The following AGAP1 variants were observed in gnomAD, a reference collection of about 807,000 sequenced individuals.
The protein encoded by AGAP1 is arf-GAP with GTPase, ANK repeat and PH domain-containing protein 1.
Under a neutral mutation model 105.3 loss-of-function variants are expected in AGAP1, and 29 were observed. That is an observed-to-expected ratio of 0.28 (90% CI 0.21 to 0.38). AGAP1 has a LOEUF of 0.38. Among genes scored for constraint, AGAP1 ranks in the 10% least tolerant of loss-of-function variants. The pLI is 1.00. For synonymous variants in AGAP1, 509 were observed against 485.9 expected (o/e 1.05, Z -0.63); for missense variants, 998 against 1,165.1 (o/e 0.86, Z 2.09).
chr2:235,855,436 C>T lies in AGAP1; in HGVS notation c.1051-27909C>T, dbSNP rs2048647877. ...AATTGCTAAAGTTTCTTTAGATGTC[C>T]TTATTCATTCAGTTACAGATTTATC... On this transcript the variant is annotated intron_variant, in intron 9 of 17. Coordinates refer to ENST00000304032, the MANE Select transcript of AGAP1 (RefSeq NM_001037131.3). This position sits in a 1 kb window ranked among gnomAD's most constrained non-coding sequence, Gnocchi z 5.0. 6.6e-6 allele frequency among the ~76,000 whole-genome samples: 1 copy of T among 152,176 alleles called. No individual in the cohort carries two copies. Among genetic ancestry groups the T allele is most frequent in the African/African-American group, 2.4e-5 (1 of 41,438 alleles).
rs555160787 is a variant in AGAP1, at chr2:235,516,361, A to T, written c.163+21512A>T. Reference sequence around the variant, plus strand: ...CAGGAGCATTATTATTATTTTTTTTAAATCTCTTGTGGCACTTTTCTACTT... The same window carrying T: ...CAGGAGCATTATTATTATTTTTTTTTAATCTCTTGTGGCACTTTTCTACTT... On this transcript the variant is annotated intron_variant, in intron 1 of 17. Coordinates refer to ENST00000304032, the MANE Select transcript of AGAP1 (RefSeq NM_001037131.3). Among the ~76,000 whole-genome samples, 12 of 152,136 alleles carry T rather than the reference A, an allele frequency of 7.9e-5. No homozygotes were observed. In the Middle Eastern group the frequency reaches 0.01, roughly 129 times the overall value.
rs577838895 is a variant in AGAP1, at chr2:236,114,462, C to T, written c.2115-5730C>T. Among the ~76,000 whole-genome samples, 204 of 152,336 alleles carry T rather than the reference C, an allele frequency of 1.3e-3. No individual in the cohort carries two copies. Among genetic ancestry groups the T allele is most frequent in the Non-Finnish European group, 2.2e-3 (152 of 68,024 alleles). ...ATGCTATCCAGAGTATGTGTCAGCTCAGGCTGCCAAAATAAAGTATTACAC... is the reference window on the plus strand; with the variant it reads ...ATGCTATCCAGAGTATGTGTCAGCTTAGGCTGCCAAAATAAAGTATTACAC... On this transcript the variant is annotated intron_variant, in intron 16 of 17. Transcript: ENST00000304032. The surrounding 1 kb of genome is among the most constrained non-coding windows in gnomAD (Gnocchi z 5.0).
chr2:235,890,335 A>G (rs2050478149), intron 10 of AGAP1, among the ~76,000 whole-genome samples: 1 of 152,008 alleles, frequency 6.6e-6, no homozygotes, highest in East Asian at 1.9e-4. Context: ...TTGTTTTAGT[A>G]GAGATGGGAT....
rs35595393 is a variant in AGAP1, at chr2:236,012,764, A to AATT, written c.1646-23772_1646-23770dup. Reference sequence around the variant, plus strand: ...CTAGTTTAGAGGTTGTTTCTTACTAAATTATTATTATTATTATTATTATTA... The same window carrying AATT: ...CTAGTTTAGAGGTTGTTTCTTACTAAATTATTATTATTATTATTATTATTATTA... On this transcript the variant is annotated intron_variant, in intron 13 of 17. Transcript: ENST00000304032. This position sits in a 1 kb window ranked among gnomAD's most constrained non-coding sequence, Gnocchi z 4.9. 0.57 allele frequency among the ~76,000 whole-genome samples: 85,051 copies of AATT among 148,608 alleles called. 24,759 individuals are homozygous for AATT. The highest frequency in any genetic ancestry group is 0.73 in the South Asian group (3,385 of 4,640).
At chr2:235,772,032 G>A (rs1164779124) in intron 6 of AGAP1, among the ~76,000 whole-genome samples, 3 of 117,404 alleles carry the variant, frequency 2.6e-5, no homozygotes, top group Non-Finnish European at 4.9e-5. Flanking sequence ...GTCTCACTCT[G>A]TTGCCCAGGC....
rs1345157162 is a variant in AGAP1 at position 235,976,021 on chromosome 2, A to T, written c.1645+7398A>T. On this transcript the variant is annotated intron_variant, in intron 13 of 17. Coordinates refer to ENST00000304032, the MANE Select transcript of AGAP1 (RefSeq NM_001037131.3). The surrounding 1 kb of genome is among the most constrained non-coding windows in gnomAD (Gnocchi z 4.5). ...AAGAATGAGAACATCTTCCTGGGAGATACACTGGAAATGCAGTAGCGAATG... is the reference window on the plus strand; with the variant it reads ...AAGAATGAGAACATCTTCCTGGGAGTTACACTGGAAATGCAGTAGCGAATG... 1.3e-5 allele frequency among the ~76,000 whole-genome samples: 2 copies of T among 152,160 alleles called. No homozygotes were observed. The highest frequency in any genetic ancestry group is 1.5e-5 in the Non-Finnish European group (1 of 68,048).
At chr2:235,783,762 C>T (rs543335118) in intron 6 of AGAP1, among the ~76,000 whole-genome samples, 1 of 152,116 alleles carries the variant, frequency 6.6e-6, no homozygotes, top group African/African-American at 2.4e-5. Flanking sequence ...AGAGGAACTC[C>T]TCAGGGGGAT....
chr2:235,885,740 A>G (rs1026876122), intron 10 of AGAP1, among the ~76,000 whole-genome samples: 2 of 152,226 alleles, frequency 1.3e-5, no homozygotes, highest in African/African-American at 4.8e-5. Context: ...TATACCTTTC[A>G]GAACCACGCA....
At chr2:235,495,067 G>A (rs1176800036) in intron 1 of AGAP1, among the ~76,000 whole-genome samples, 14 of 152,172 alleles carry the variant, frequency 9.2e-5, no homozygotes, top group Non-Finnish European at 2.1e-4. Context: ...GATCGTCAGC[G>A]TTAATTTGAT....
intron 6 of AGAP1, among the ~76,000 whole-genome samples, chr2:235,757,603 A>G (rs1483818109): frequency 2.6e-5 from 4 of 152,190 alleles, no homozygotes; most frequent in Non-Finnish European, 4.4e-5. Flanking sequence ...TATAGAAGCC[A>G]TTCCATTTGT....
chr2:236,048,522 C>T (rs2057793270), intron 15 of AGAP1, among the ~76,000 whole-genome samples: 1 of 152,242 alleles, frequency 6.6e-6, no homozygotes, highest in East Asian at 1.9e-4. Context: ...TATTTCTTCA[C>T]TGTAGTGTAC....
chr2:236,003,786 CTTTTTTTTT>C lies in AGAP1; in HGVS notation c.1646-32771_1646-32763del, dbSNP rs915738257. On this transcript the variant is annotated intron_variant, in intron 13 of 17. Coordinates refer to ENST00000304032, the MANE Select transcript of AGAP1 (RefSeq NM_001037131.3). The surrounding 1 kb of genome is among the most constrained non-coding windows in gnomAD (Gnocchi z 4.2). ...TGGAGGGGTCACTGCTGTCCTACCACTTTTTTTTTTTTCTGGAAGTTTGCATGTCCTACA... is the reference window on the plus strand; with the variant it reads ...TGGAGGGGTCACTGCTGTCCTACCACTTTCTGGAAGTTTGCATGTCCTACA... Among the ~76,000 whole-genome samples, 4 of 146,932 alleles carry C rather than the reference CTTTTTTTTT, an allele frequency of 2.7e-5. No homozygotes were observed. The highest frequency in any genetic ancestry group is 9.9e-5 in the African/African-American group (4 of 40,372).
chr2:235,852,143 T>A (rs1037734890), intron 9 of AGAP1, among the ~76,000 whole-genome samples: 3 of 152,200 alleles, frequency 2.0e-5, no homozygotes, highest in African/African-American at 7.2e-5. Flanking sequence ...AATATATGCC[T>A]GAGTGCTCAT....
chr2:235,996,078 C>T (rs1265678729), intron 13 of AGAP1, among the ~76,000 whole-genome samples: 3 of 152,196 alleles, frequency 2.0e-5, no homozygotes, highest in African/African-American at 4.8e-5. Context: ...GCTTGCCAAC[C>T]GTTTGTCACA....
chr2:235,994,187 C>G lies in AGAP1; in HGVS notation c.1645+25564C>G, dbSNP rs2055690696. 6.6e-6 allele frequency among the ~76,000 whole-genome samples: 1 copy of G among 152,098 alleles called. No homozygotes were observed. Among genetic ancestry groups the G allele is most frequent in the Non-Finnish European group, 1.5e-5 (1 of 68,010 alleles). ...TTCCATATGTGTCCTTTTTAAGAGTCTTGTCGTTTCATACTCTCATTTTGG... is the reference window on the plus strand; with the variant it reads ...TTCCATATGTGTCCTTTTTAAGAGTGTTGTCGTTTCATACTCTCATTTTGG... On this transcript the variant is annotated intron_variant, in intron 13 of 17. Coordinates refer to ENST00000304032, the MANE Select transcript of AGAP1 (RefSeq NM_001037131.3). This position sits in a 1 kb window ranked among gnomAD's most constrained non-coding sequence, Gnocchi z 4.4.
intron 1 of AGAP1, among the ~76,000 whole-genome samples, chr2:235,708,348 G>C (rs1452827735): frequency 1.3e-5 from 2 of 152,154 alleles, no homozygotes; most frequent in Non-Finnish European, 1.5e-5. Flanking sequence ...ACTATCATGG[G>C]GTCTCATTTA....
At chr2:235,641,881 T>C (rs1369896433) in intron 1 of AGAP1, among the ~76,000 whole-genome samples, 3 of 152,328 alleles carry the variant, frequency 2.0e-5, no homozygotes, top group Admixed American at 2.0e-4. Context: ...ATTATTAGCA[T>C]TTTCTGCATT....
rs1015148878 is a variant in AGAP1 at position 236,040,247 on chromosome 2, G to A, written c.1801-504G>A. 6.6e-6 allele frequency among the ~76,000 whole-genome samples: 1 copy of A among 152,172 alleles called. No homozygotes were observed. Among genetic ancestry groups the A allele is most frequent in the African/African-American group, 2.4e-5 (1 of 41,440 alleles). ...GAGTGGCTTTGTCACTGTGGCAACC[G>A]AGGGTCTTCAGATGACATGTGCATC... On this transcript the variant is annotated intron_variant, in intron 14 of 17. Transcript: ENST00000304032. The surrounding 1 kb of genome is among the most constrained non-coding windows in gnomAD (Gnocchi z 5.6).
At chr2:235,850,953 G>A (rs1281831617) in intron 9 of AGAP1, among the ~76,000 whole-genome samples, 1 of 152,216 alleles carries the variant, frequency 6.6e-6, no homozygotes, top group Non-Finnish European at 1.5e-5. Flanking sequence ...GGGAATGGCT[G>A]TTCCGGGACC....
Sources: gnomAD v4.1 joint callset for allele counts (sites outside exome capture counted in the v4.1 genomes callset) on GRCh38, gnomAD v4.1.1 for gene constraint, Gnocchi (gnomAD v3.1) non-coding constraint, MANE v1.5 for transcripts, NCBI Gene and HGNC (gene_info 2026-07-23, HGNC 2026-07-21) for gene names.